The following AFG2A variants were observed in gnomAD, a reference collection of about 807,000 sequenced individuals.
AFG2A encodes AAA ATPase AFG2A.
the AFG2A span, among the ~76,000 whole-genome samples, chr4:123,196,556 A>G: frequency 6.6e-6 from 1 of 152,052 alleles, no homozygotes; most frequent in Non-Finnish European, 1.5e-5. Flanking sequence ...ACATGAGACC[A>G]TTACTTCTGA....
the AFG2A span, among the ~76,000 whole-genome samples, chr4:123,067,809 G>T: frequency 1.3e-5 from 2 of 152,188 alleles, no homozygotes; most frequent in South Asian, 4.2e-4. Flanking sequence ...TTCTGAAACA[G>T]TTCAGTTAGT....
chr4:123,001,176 T>C, the AFG2A span, among the ~76,000 whole-genome samples: 121,976 of 146,272 alleles, frequency 0.83, 52,101 homozygotes, highest in East Asian at 0.95. Flanking sequence ...TTTATTGCGT[T>C]TATTTGATTC....
the AFG2A span, among the ~76,000 whole-genome samples, chr4:123,220,051 A>G: frequency 6.6e-6 from 1 of 151,890 alleles, no homozygotes; most frequent in Non-Finnish European, 1.5e-5. Context: ...TTGTATTTTT[A>G]GTAGAGACGG....
the AFG2A span, among the ~76,000 whole-genome samples, chr4:123,209,318 G>A: frequency 6.6e-6 from 1 of 152,090 alleles, no homozygotes; most frequent in Non-Finnish European, 1.5e-5. Flanking sequence ...GTATGTTGCA[G>A]AAATGAATGA....
the AFG2A span, among the ~76,000 whole-genome samples, chr4:122,951,371 T>C: frequency 6.6e-6 from 1 of 151,592 alleles, no homozygotes; most frequent in East Asian, 1.9e-4. Context: ...ATCTTAGGGG[T>C]CCTGGAACCG....
At chr4:123,243,271 C>A in the AFG2A span, among the ~76,000 whole-genome samples, 1 of 152,188 alleles carries the variant, frequency 6.6e-6, no homozygotes, top group African/African-American at 2.4e-5. Flanking sequence ...GATTATAAAT[C>A]ATGCTGCTAT....
the AFG2A span, among the ~76,000 whole-genome samples, chr4:122,955,459 A>T: frequency 1.3e-5 from 2 of 152,178 alleles, no homozygotes; most frequent in African/African-American, 4.8e-5. Flanking sequence ...GGACATTCAA[A>T]CCATTGCAGT....
the AFG2A span, among the ~76,000 whole-genome samples, chr4:123,199,803 T>C: frequency 1.3e-5 from 2 of 152,324 alleles, no homozygotes; most frequent in East Asian, 3.9e-4. Context: ...TTATCTGTTA[T>C]CTTTTCATAT....
the AFG2A span, among the ~76,000 whole-genome samples, chr4:122,946,854 G>A: frequency 5.3e-5 from 8 of 151,898 alleles, no homozygotes; most frequent in Non-Finnish European, 1.0e-4. Context: ...TTTCAAGTAG[G>A]GGAAAAGGAC....
At chr4:122,945,056 C>T in the AFG2A span, among the ~76,000 whole-genome samples, 1 of 152,270 alleles carries the variant, frequency 6.6e-6, no homozygotes, top group South Asian at 2.1e-4. Flanking sequence ...ACTGGGGGTG[C>T]CTCCCAGTTA....
At chr4:123,034,876 G>C in the AFG2A span, among the ~76,000 whole-genome samples, 1 of 152,096 alleles carries the variant, frequency 6.6e-6, no homozygotes, top group Non-Finnish European at 1.5e-5. Flanking sequence ...AGTTTAAAAG[G>C]CTAACTCTGA....
At chr4:122,991,861 T>A in the AFG2A span, among the ~76,000 whole-genome samples, 1 of 152,354 alleles carries the variant, frequency 6.6e-6, no homozygotes, top group African/African-American at 2.4e-5. Flanking sequence ...GTTGGGCTAG[T>A]AGAAACTTTC....
chr4:123,077,317 G>C, the AFG2A span, among the ~76,000 whole-genome samples: 1 of 152,106 alleles, frequency 6.6e-6, no homozygotes, highest in African/African-American at 2.4e-5. Context: ...AAAGTGCTGG[G>C]ATTACAGGTG....
the AFG2A span, among the ~76,000 whole-genome samples, chr4:122,949,887 G>C: frequency 6.6e-6 from 1 of 152,222 alleles, no homozygotes; most frequent in African/African-American, 2.4e-5. Flanking sequence ...TATATATCCT[G>C]TTCTAGGCCC....
chr4:123,283,763 C>T, the AFG2A span, among the ~76,000 whole-genome samples: 2 of 152,146 alleles, frequency 1.3e-5, no homozygotes, highest in African/African-American at 4.8e-5. Flanking sequence ...AACACAGCCA[C>T]ACTCATTCAT....
At chr4:123,285,917 AGTG>A in the AFG2A span, among the ~76,000 whole-genome samples, 3 of 152,202 alleles carry the variant, frequency 2.0e-5, no homozygotes, top group African/African-American at 7.2e-5. Flanking sequence ...CTTGGAAATC[AGTG>A]GTGGTGGAGG....
At chr4:123,304,863 C>G in the AFG2A span, among the ~76,000 whole-genome samples, 131 of 152,256 alleles carry the variant, frequency 8.6e-4, no homozygotes, top group African/African-American at 2.8e-3. Context: ...AGGGGTGTCT[C>G]CCTCCTCCAG....
the AFG2A span, among the ~76,000 whole-genome samples, chr4:123,128,955 A>G: frequency 6.6e-6 from 1 of 152,230 alleles, no homozygotes; most frequent in Non-Finnish European, 1.5e-5. Flanking sequence ...TTCAAACTTT[A>G]GAAAAGTATT....
At chr4:123,197,160 C>T in the AFG2A span, among the ~76,000 whole-genome samples, 5 of 152,148 alleles carry the variant, frequency 3.3e-5, no homozygotes, top group East Asian at 9.6e-4. Context: ...ATTCATTTAG[C>T]ATAAATATTA....
Sources: allele counts gnomAD v4.1 joint callset (sites outside exome capture counted in the v4.1 genomes callset), GRCh38; gene constraint gnomAD v4.1.1; transcripts MANE v1.5; gene names NCBI Gene and HGNC (gene_info 2026-07-23, HGNC 2026-07-21).